DGUOK: variants seen among roughly 807,000 people sequenced by gnomAD.
DGUOK encodes the protein deoxyguanosine kinase.
In DGUOK, 30 loss-of-function variants were observed where a neutral mutation model predicts 36.6. The ratio of observed to expected loss-of-function variants is 0.82; its 90% CI spans 0.61 to 1.11. The LOEUF (loss-of-function observed/expected upper bound fraction) is 1.11. DGUOK is among the 50% of genes most tolerant of loss of function. DGUOK has a pLI of 0.00. For synonymous variants in DGUOK, 145 were observed against 126.3 expected, an observed-to-expected ratio of 1.15 and a Z score of -0.99; for missense variants, 361 against 336.4, an observed-to-expected ratio of 1.07 and a Z score of -0.57.
At chr2:73,953,719 C>CTTTTTTTTTT (rs386390474) in intron 4 of DGUOK, among the ~76,000 whole-genome samples, 4 of 95,784 alleles carry the variant, frequency 4.2e-5, no homozygotes, top group Non-Finnish European at 5.9e-5. Context: ...TCCCTAACTT[C>CTTTTTTTTTT]TTTTTTTTTT....
intron 3 of DGUOK, 75 bp downstream of exon 3, chr2:73,946,981 A>G: frequency 2.4e-6 from 3 of 1,274,362 alleles, no homozygotes; most frequent in Non-Finnish European, 3.4e-6. Flanking sequence ...CAGATCCTGC[A>G]CTGCTATGGT....
chr2:73,934,123 A>G (rs1231002826), intron 1 of DGUOK, among the ~76,000 whole-genome samples: 2 of 152,252 alleles, frequency 1.3e-5, no homozygotes, highest in African/African-American at 2.4e-5. Context: ...TATTTTGGGT[A>G]TTACATCATA....
At chr2:73,957,843 A>G (rs1683238798) in intron 5 of DGUOK, 4 of 371,696 alleles carry the variant, frequency 1.1e-5, no homozygotes, top group Non-Finnish European at 1.5e-5. Flanking sequence ...TGTCAGTATT[A>G]CTAAGTTGGC....
chr2:73,957,890 T>A, intron 5 of DGUOK: 1 of 405,048 alleles, frequency 2.5e-6, no homozygotes, highest in Non-Finnish European at 4.7e-6. Context: ...TTAGGCTTGG[T>A]TTGTTGTCCA....
chr2:73,956,977 T>TGGC, intron 4 of DGUOK, 148 bp from the exon 5 acceptor site: 2 of 534,698 alleles, frequency 3.7e-6, no homozygotes, highest in Non-Finnish European at 6.9e-6. Flanking sequence ...GATCCTCTGA[T>TGGC]TGCATAAGAA....
At position 73,946,814 on chromosome 2, in the gene DGUOK, C is replaced by T. The variant is rs1682359893; in HGVS notation, c.351C>T (p.Ser117=). Residue 117 remains serine, a synonymous_variant, in exon 3 of 7, where the codon AGC becomes AGT. Coordinates refer to ENST00000264093, the MANE Select transcript of DGUOK (RefSeq NM_080916.3). Reference sequence around the variant, plus strand: ...CATTCCAGACATTTTCCTTTTTGAGCCGCCTGAAAGTACAGCTGGAGCCCT... The same window carrying T: ...CATTCCAGACATTTTCCTTTTTGAGTCGCCTGAAAGTACAGCTGGAGCCCT... The part of the protein sequence containing the change: ...SYTFQTFSFL[S]RLKVQLEPFP... 9 of 1,614,006 alleles carry T rather than the reference C, an allele frequency of 5.6e-6. No individual in the cohort carries two copies. Among genetic ancestry groups the T allele is most frequent in the South Asian group, 1.1e-5 (1 of 91,078 alleles).
intron 1 of DGUOK, 58 bp downstream of exon 1, chr2:73,927,110 T>C: frequency 6.3e-7 from 1 of 1,599,532 alleles, no homozygotes; most frequent in Non-Finnish European, 8.5e-7. Flanking sequence ...CGACAGAGGC[T>C]GGGAAAGGAG....
chr2:73,932,794 A>G (rs1005486983), intron 1 of DGUOK: 1 of 425,932 alleles, frequency 2.3e-6, no homozygotes. Flanking sequence ...AGTAGCAACT[A>G]ATGGCATCTA....
intron 1 of DGUOK, among the ~76,000 whole-genome samples, 172 bp downstream of exon 1, chr2:73,927,224 T>A (rs1680668344): frequency 6.6e-6 from 1 of 152,210 alleles, no homozygotes; most frequent in Non-Finnish European, 1.5e-5. Flanking sequence ...TGCCTCCTTG[T>A]TTTTAGGATA....
At chr2:73,943,828 G>A (rs756765290) in intron 2 of DGUOK, among the ~76,000 whole-genome samples, 1 of 151,956 alleles carries the variant, frequency 6.6e-6, no homozygotes, top group Non-Finnish European at 1.5e-5. Context: ...TGTATTTTTA[G>A]TAGAGACAGG....
At chr2:73,931,675 C>G (rs566777662) in intron 1 of DGUOK, among the ~76,000 whole-genome samples, 10 of 152,314 alleles carry the variant, frequency 6.6e-5, no homozygotes, top group South Asian at 4.1e-4. Context: ...AGAAAGAAAG[C>G]TCCATAAAAC....
At chr2:73,953,160 T>G (rs1349080107) in intron 4 of DGUOK, among the ~76,000 whole-genome samples, 1 of 152,030 alleles carries the variant, frequency 6.6e-6, no homozygotes, top group Non-Finnish European at 1.5e-5. Flanking sequence ...CTTAACAACC[T>G]AATCACCTCT....
chr2:73,940,929 A>C lies in DGUOK; in HGVS notation c.255+1907A>C, dbSNP rs181702308. The stretch of plus-strand genomic sequence containing the variant: ...TTTCTCAGAACATATTCCTGTTGTT[A>C]AGTGGTACATGATTGCATGTCCACA... On this transcript the variant is annotated intron_variant, in intron 2 of 6. Coordinates refer to ENST00000264093, the MANE Select transcript of DGUOK (RefSeq NM_080916.3). 5.3e-4 allele frequency among the ~76,000 whole-genome samples: 81 copies of C among 152,386 alleles called. 1 individual carries two copies. The East Asian group carries it at 9.2e-3, about 17-fold the overall frequency.
At chr2:73,928,082 ATAAG>A (rs1412952803) in intron 1 of DGUOK, among the ~76,000 whole-genome samples, 2 of 152,232 alleles carry the variant, frequency 1.3e-5, no homozygotes, top group Admixed American at 6.5e-5. Flanking sequence ...TTAGAGAGTA[ATAAG>A]TATGATGGAG....
intron 1 of DGUOK, among the ~76,000 whole-genome samples, chr2:73,933,300 C>G (rs1681198038): frequency 1.3e-5 from 2 of 152,184 alleles, no homozygotes; most frequent in African/African-American, 2.4e-5. Context: ...CATCACTGTT[C>G]TCATACTCAG....
intron 2 of DGUOK, among the ~76,000 whole-genome samples, 153 bp downstream of exon 2, chr2:73,939,175 G>A (rs1390732342): frequency 6.6e-6 from 1 of 152,114 alleles, no homozygotes; most frequent in Non-Finnish European, 1.5e-5. Context: ...CACCAGAGAG[G>A]ATATGACTTG....
At chr2:73,931,118 G>A (rs923241027) in intron 1 of DGUOK, among the ~76,000 whole-genome samples, 3 of 152,082 alleles carry the variant, frequency 2.0e-5, no homozygotes, top group Admixed American at 6.6e-5. Flanking sequence ...TTTTCATACT[G>A]TGTGGTGAGA....
At chr2:73,957,599 G>A (rs1683214979) in intron 5 of DGUOK, among the ~76,000 whole-genome samples, 1 of 152,156 alleles carries the variant, frequency 6.6e-6, no homozygotes, top group Non-Finnish European at 1.5e-5. Flanking sequence ...GCTTGAACCT[G>A]GGAGGCAAAG....
At chr2:73,931,580 C>G (rs1170801546) in intron 1 of DGUOK, among the ~76,000 whole-genome samples, 6 of 152,196 alleles carry the variant, frequency 3.9e-5, no homozygotes, top group Non-Finnish European at 8.8e-5. Flanking sequence ...CTAGTTTATC[C>G]TGTTGGCAGT....
Sources: allele counts gnomAD v4.1 joint callset (sites outside exome capture counted in the v4.1 genomes callset), GRCh38; gene constraint gnomAD v4.1.1; transcripts MANE v1.5; gene names NCBI Gene and HGNC (gene_info 2026-07-23, HGNC 2026-07-21).